GC: variants seen among roughly 807,000 people sequenced by gnomAD.
GC encodes the protein vitamin D-binding protein.
A neutral mutation model predicts 56.7 loss-of-function variants in GC; 43 were observed. The ratio of observed to expected loss-of-function variants is 0.76; its 90% CI spans 0.59 to 0.98. GC has a LOEUF of 0.98. Among genes scored for constraint, GC ranks in the 50% least tolerant of loss-of-function variants. GC has a pLI of 0.00. For missense variants in GC, 529 were observed against 545.9 expected (o/e 0.97, Z 0.31); for synonymous variants, 216 against 202.7 (o/e 1.07, Z -0.56).
intron 1 of GC, among the ~76,000 whole-genome samples, chr4:71,771,537 C>T (rs1432901145): frequency 1.3e-5 from 2 of 152,062 alleles, no homozygotes; most frequent in African/African-American, 2.4e-5. Context: ...AAGAGACCTA[C>T]TCAAACACCC....
chr4:71,804,364 G>A (rs951920292), upstream of GC, among the ~76,000 whole-genome samples: 2 of 152,138 alleles, frequency 1.3e-5, no homozygotes, highest in Non-Finnish European at 2.9e-5. Flanking sequence ...TCCCCCTTTT[G>A]GGGAGCAGTC....
chr4:71,795,758 G>A (rs1217671352), intron 1 of GC, among the ~76,000 whole-genome samples: 2 of 152,116 alleles, frequency 1.3e-5, no homozygotes, highest in East Asian at 3.9e-4. Context: ...GCATCTATGG[G>A]CTTTACAATT....
intron 5 of GC, 110 bp downstream of exon 5, chr4:71,763,694 G>A (rs1018748189): frequency 1.1e-6 from 1 of 918,480 alleles, no homozygotes; most frequent in South Asian, 1.7e-5. Context: ...TGCAAGGGTG[G>A]CATTTTAGAA....
intron 12 of GC, among the ~76,000 whole-genome samples, chr4:71,742,417 T>C (rs1741212127): frequency 6.6e-6 from 1 of 152,244 alleles, no homozygotes; most frequent in Non-Finnish European, 1.5e-5. Flanking sequence ...AAATTCCATG[T>C]TTCATTGTCT....
chr4:71,755,302 A>G (rs899243610), intron 8 of GC, among the ~76,000 whole-genome samples, 195 bp from the exon 9 acceptor site: 4 of 151,784 alleles, frequency 2.6e-5, no homozygotes, highest in Non-Finnish European at 5.9e-5. Context: ...ACCTGGGATT[A>G]TAGGCGCCCA....
chr4:71,785,875 G>A (rs1742820703), upstream of GC: 1 of 151,706 alleles, frequency 6.6e-6, no homozygotes, highest in Non-Finnish European at 1.5e-5. Context: ...TTAGCATATT[G>A]ATACAGTTTT....
At chr4:71,762,856 A>G (rs1445971434) in intron 6 of GC, among the ~76,000 whole-genome samples, 3 of 152,234 alleles carry the variant, frequency 2.0e-5, no homozygotes, top group African/African-American at 7.2e-5. Flanking sequence ...TAGTCCAATT[A>G]AACCTCTTGC....
At chr4:71,746,108 C>G in intron 12 of GC, 43 bp downstream of exon 12, 1 of 768,172 alleles carries the variant, frequency 1.3e-6, no homozygotes, top group Non-Finnish European at 2.3e-6. Context: ...ATACATCCTA[C>G]AATGCTGGAT....
At chr4:71,763,623 G>T (rs1036374249) in intron 5 of GC, 121 bp from the exon 6 acceptor site, 34 of 755,198 alleles carry the variant, frequency 4.5e-5, no homozygotes, top group Non-Finnish European at 6.7e-5. Context: ...GAACACTGGT[G>T]AAAGGAACTT....
intron 1 of GC, among the ~76,000 whole-genome samples, chr4:71,803,216 T>C (rs1743291889): frequency 6.6e-6 from 1 of 152,198 alleles, no homozygotes; most frequent in South Asian, 2.1e-4. Flanking sequence ...TCCAAAGATT[T>C]AACAAACTCT....
chr4:71,761,573 C>T (rs1435752872), intron 6 of GC, among the ~76,000 whole-genome samples: 2 of 152,164 alleles, frequency 1.3e-5, no homozygotes, highest in Non-Finnish European at 2.9e-5. Context: ...GTATCCAAGA[C>T]ATGTCAGAAG....
At chr4:71,796,837 A>T (rs943297866) in intron 1 of GC, among the ~76,000 whole-genome samples, 1 of 152,112 alleles carries the variant, frequency 6.6e-6, no homozygotes, top group African/African-American at 2.4e-5. Context: ...GGTGACCTAC[A>T]TATGGTGTTT....
rs763308955 is a variant in GC at position 71,752,546 on chromosome 4, T to G, written c.1367A>C (p.Asn456Thr). ...SDFASNCCSINSPPLYCDSEI... is the reference protein window; with the variant it reads ...SDFASNCCSITSPPLYCDSEI... ...TGAATCACAGTAAAGAGGAGGTGAG[T>G]TTATGGAACAGCAGTTGGAGGCAAA... The change falls in exon 11 of 13, where the codon AAC becomes ACC. Residue 456 changes from asparagine to threonine, a missense_variant. Asn to Thr is a moderately conservative substitution (Grantham distance 65). Transcript: ENST00000273951. The G allele has an allele frequency of 4.0e-5, 64 of 1,613,224 alleles. No homozygotes were observed. Among genetic ancestry groups the G allele is most frequent in the Non-Finnish European group, 5.3e-5 (62 of 1,179,500 alleles).
intron 1 of GC, among the ~76,000 whole-genome samples, chr4:71,781,014 A>T (rs1418500309): frequency 6.6e-6 from 1 of 152,188 alleles, no homozygotes; most frequent in Non-Finnish European, 1.5e-5. Flanking sequence ...GACCGGATTT[A>T]AAAAATGTGG....
chr4:71,750,900 CA>C (rs10550263), intron 11 of GC, among the ~76,000 whole-genome samples: 60,519 of 151,650 alleles, frequency 0.4, 12,329 homozygotes, highest in East Asian at 0.44. Context: ...AACAAACAAA[CA>C]AAAAAAAAAC....
intron 1 of GC, among the ~76,000 whole-genome samples, chr4:71,798,115 A>G (rs1003388817): frequency 1.3e-5 from 2 of 152,158 alleles, no homozygotes; most frequent in African/African-American, 4.8e-5. Context: ...ATCCAATTTC[A>G]TTAGATTATT....
intron 7 of GC, among the ~76,000 whole-genome samples, chr4:71,757,323 A>G (rs1332347301): frequency 1.3e-5 from 2 of 152,188 alleles, no homozygotes; most frequent in Non-Finnish European, 2.9e-5. Flanking sequence ...GCCATTATAA[A>G]TCCTTATAGA....
intron 6 of GC, 37 bp from the exon 7 acceptor site, chr4:71,758,208 AT>A (rs747394970): frequency 6.3e-7 from 1 of 1,587,328 alleles, no homozygotes; most frequent in South Asian, 1.1e-5. Context: ...GCTTATCAAC[AT>A]TCTCAGTTTT....
upstream of GC, among the ~76,000 whole-genome samples, chr4:71,804,283 C>G (rs1410231179): frequency 6.6e-6 from 1 of 152,142 alleles, no homozygotes; most frequent in Non-Finnish European, 1.5e-5. Context: ...GAGCTGCTTG[C>G]TTTTATTCAA....
Sources: allele counts gnomAD v4.1 joint callset (sites outside exome capture counted in the v4.1 genomes callset), GRCh38; gene constraint gnomAD v4.1.1; transcripts MANE v1.5; gene names NCBI Gene and HGNC (gene_info 2026-07-23, HGNC 2026-07-21).